ABCB7: variants seen among roughly 807,000 people sequenced by gnomAD.
The protein encoded by ABCB7 is iron-sulfur clusters transporter ABCB7, mitochondrial.
Under a neutral mutation model 54.4 loss-of-function variants are expected in ABCB7, and 7 were observed. The observed-to-expected ratio is 0.13, with a 90% confidence interval of 0.07 to 0.24. The LOEUF (loss-of-function observed/expected upper bound fraction) is 0.24. Among genes scored for constraint, ABCB7 ranks in the 10% least tolerant of loss-of-function variants. The pLI, the probability that ABCB7 is intolerant of heterozygous loss-of-function variation, is 1.00. For missense variants in ABCB7, 356 were observed against 570.4 expected (o/e 0.62, Z 3.83); for synonymous variants, 218 against 207.1 (o/e 1.05, Z -0.45).
chrX:75,121,750 T>A (rs2081880974), intron 1 of ABCB7, among the ~76,000 whole-genome samples: 1 of 112,536 alleles, frequency 8.9e-6, no homozygotes, highest in Non-Finnish European at 1.9e-5. Flanking sequence ...GAATATATTG[T>A]TGTACTCTTT....
Position 75,051,624 on chromosome X carries a change from T to TG in ABCB7, c.*1745dup, listed in dbSNP as rs1189556022. On this transcript the variant is annotated 3_prime_UTR_variant, in exon 16 of 16. Coordinates refer to ENST00000373394, the MANE Select transcript of ABCB7 (RefSeq NM_001271696.3). The stretch of plus-strand genomic sequence containing the variant: ...CTTTTTTTCCTCCCAAGGTAAAACT[T>TG]GATTATGTTGTTTGGGCTCCTCCTC... 1 of 112,155 alleles carries TG rather than the reference T, an allele frequency of 8.9e-6. No individual in the cohort carries two copies. Among genetic ancestry groups the TG allele is most frequent in the Non-Finnish European group, 1.9e-5 (1 of 53,162 alleles). The allele number at this position is 112,155 out of a possible 1,213,427, so 9.2% of individuals were successfully genotyped here. A position where few individuals can be genotyped will look rare whatever the true frequency, so the allele number is the denominator to read the frequency against.
At chrX:75,129,864 C>T (rs375967768) in intron 1 of ABCB7, among the ~76,000 whole-genome samples, 1 of 111,240 alleles carries the variant, frequency 9.0e-6, no homozygotes, top group Non-Finnish European at 1.9e-5. Context: ...ACAGTGGCTA[C>T]CACTCACTGA....
At chrX:75,054,066 T>C (rs918044576) in intron 15 of ABCB7, among the ~76,000 whole-genome samples, 1 of 112,395 alleles carries the variant, frequency 8.9e-6, no homozygotes, top group Non-Finnish European at 1.9e-5. Context: ...AGTTTACTTC[T>C]TCCAGTGGCT....
chrX:75,074,098 A>G (rs964888105), intron 6 of ABCB7, 142 bp from the exon 7 acceptor site: 1 of 514,715 alleles, frequency 1.9e-6, no homozygotes, highest in Non-Finnish European at 3.3e-6. Flanking sequence ...TGATGGGTGA[A>G]AAATCAAATA....
intron 13 of ABCB7, 106 bp downstream of exon 13, chrX:75,064,964 G>C: frequency 1.1e-6 from 1 of 923,362 alleles, no homozygotes; most frequent in Non-Finnish European, 1.5e-6. Flanking sequence ...GACTCAACGA[G>C]CACTACATTT....
At chrX:75,102,996 T>A (rs1330513771) in intron 3 of ABCB7, among the ~76,000 whole-genome samples, 1 of 111,511 alleles carries the variant, frequency 9.0e-6, no homozygotes, top group Non-Finnish European at 1.9e-5. Flanking sequence ...ATTATTGAGT[T>A]GAATTCCTTG....
At chrX:75,088,248 T>A (rs1193248997) in intron 4 of ABCB7, among the ~76,000 whole-genome samples, 1 of 112,394 alleles carries the variant, frequency 8.9e-6, no homozygotes, top group Admixed American at 9.4e-5. Flanking sequence ...ATATTTATCA[T>A]CTAATGCATT....
At chrX:75,086,501 A>G (rs1290869718) in intron 4 of ABCB7, among the ~76,000 whole-genome samples, 1 of 111,994 alleles carries the variant, frequency 8.9e-6, no homozygotes. Context: ...TTTAATATCT[A>G]AACTCCTTAA....
At chrX:75,155,920 C>T (rs1569254138) in intron 1 of ABCB7, among the ~76,000 whole-genome samples, 185 bp downstream of exon 1, 1 of 111,432 alleles carries the variant, frequency 9.0e-6, no homozygotes, top group Non-Finnish European at 1.9e-5. Flanking sequence ...CTTTGCTGAA[C>T]TCAAAGGTTT....
intron 4 of ABCB7, among the ~76,000 whole-genome samples, chrX:75,084,581 T>C (rs2081481129): frequency 9.0e-6 from 1 of 111,183 alleles, no homozygotes; most frequent in African/African-American, 3.3e-5. Context: ...AAATAGTTAT[T>C]AGACATGACA....
chrX:75,079,403 G>T (rs577373509), intron 4 of ABCB7, among the ~76,000 whole-genome samples: 2 of 111,703 alleles, frequency 1.8e-5, no homozygotes, highest in South Asian at 3.7e-4. Flanking sequence ...TGATATTTTG[G>T]GGATGGGACT....
chrX:75,079,330 A>C lies in ABCB7; in HGVS notation c.454-2676T>G, dbSNP rs759334879. ...AAAACGAAAGAAATACACCAAAGAA[A>C]TAAGAAGGATACTACATGTAGATGT... On this transcript the variant is annotated intron_variant, in intron 4 of 15. Transcript: ENST00000373394. 3.6e-5 allele frequency among the ~76,000 whole-genome samples: 4 copies of C among 111,733 alleles called. 1 individual carries two copies. In the South Asian group the frequency reaches 1.1e-3, roughly 32 times the overall value.
At chrX:75,094,584 G>T (rs2081575285) in intron 4 of ABCB7, among the ~76,000 whole-genome samples, 1 of 110,776 alleles carries the variant, frequency 9.0e-6, no homozygotes, top group Admixed American at 9.6e-5. Context: ...ATGGTGGCAT[G>T]CACCTGTAAT....
intron 15 of ABCB7, among the ~76,000 whole-genome samples, chrX:75,054,342 C>A (rs2081218731): frequency 8.9e-6 from 1 of 111,738 alleles, no homozygotes; most frequent in African/African-American, 3.3e-5. Flanking sequence ...TCATTTCTGG[C>A]ATTATCTACT....
intron 1 of ABCB7, among the ~76,000 whole-genome samples, chrX:75,115,657 G>A (rs918569423): frequency 2.8e-5 from 3 of 107,959 alleles, no homozygotes; most frequent in African/African-American, 6.8e-5. Flanking sequence ...ACCAGATGAC[G>A]GACTCTGTAA....
chrX:75,079,627 C>A (rs1263951146), intron 4 of ABCB7, among the ~76,000 whole-genome samples: 1 of 112,203 alleles, frequency 8.9e-6, no homozygotes, highest in Non-Finnish European at 1.9e-5. Flanking sequence ...GTATCAAAAC[C>A]AGAAAGTTAA....
chrX:75,072,143 A>G (rs943862340), intron 8 of ABCB7, among the ~76,000 whole-genome samples: 1 of 111,753 alleles, frequency 8.9e-6, no homozygotes, highest in Non-Finnish European at 1.9e-5. Flanking sequence ...AACACATAAG[A>G]GGCATTCAGT....
At position 75,068,679 on chromosome X, in the gene ABCB7, T is replaced by C. The variant is rs5981760; in HGVS notation, c.1659+328A>G. ...TCCACAATAATTCTATCCTATAAGA[T>C]AAATGGCATCCTTATTTTACAGATA... On this transcript the variant is annotated intron_variant, in intron 12 of 15. Coordinates refer to ENST00000373394, the MANE Select transcript of ABCB7 (RefSeq NM_001271696.3). 0.029 allele frequency among the ~76,000 whole-genome samples: 3,208 copies of C among 112,127 alleles called. 117 individuals are homozygous for C. The highest frequency in any genetic ancestry group is 0.099 in the African/African-American group (3,066 of 30,823).
At chrX:75,101,377 A>T (rs141524831) in intron 3 of ABCB7, among the ~76,000 whole-genome samples, 3,147 of 110,216 alleles carry the variant, frequency 0.029, 115 homozygotes, top group African/African-American at 0.099. Flanking sequence ...GGACTCAGCA[A>T]ACTACTTTTC....
Sources: gnomAD v4.1 joint callset for allele counts (sites outside exome capture counted in the v4.1 genomes callset) on GRCh38, gnomAD v4.1.1 for gene constraint, MANE v1.5 for transcripts, NCBI Gene and HGNC (gene_info 2026-07-23, HGNC 2026-07-21) for gene names.